Variants in NXN observed in about 807,000 individuals in gnomAD.
NXN encodes the protein nucleoredoxin.
Under a neutral mutation model 48.6 loss-of-function variants are expected in NXN, and 16 were observed. That is an observed-to-expected ratio of 0.33 (90% CI 0.22 to 0.50). The LOEUF is 0.50. Ranked by LOEUF, NXN falls within the 20% of genes least tolerant of loss-of-function variation. The pLI is 0.98. For synonymous variants in NXN, 281 were observed against 269.6 expected, an observed-to-expected ratio of 1.04 and a Z score of -0.41; for missense variants, 492 against 605.5, an observed-to-expected ratio of 0.81 and a Z score of 1.97.
chr17:912,903 A>G (rs1597236276), intron 1 of NXN, among the ~76,000 whole-genome samples: 2 of 152,054 alleles, frequency 1.3e-5, no homozygotes, highest in Non-Finnish European at 2.9e-5. Flanking sequence ...GCAGTGAGCC[A>G]AGATTGCACC....
chr17:868,097 G>A (rs1318611257), intron 1 of NXN, among the ~76,000 whole-genome samples: 1 of 152,168 alleles, frequency 6.6e-6, no homozygotes, highest in African/African-American at 2.4e-5. Flanking sequence ...TCATCTCCTA[G>A]CTGGACACTG....
chr17:821,265 A>C lies in NXN; in HGVS notation c.713+1092T>G, dbSNP rs1912810379. 5.1e-5 allele frequency among the ~76,000 whole-genome samples: 4 copies of C among 78,366 alleles called. 2 individuals are homozygous for C. The highest frequency in any genetic ancestry group is 9.5e-5 in the Non-Finnish European group (4 of 42,072). 51.4% of individuals were successfully genotyped at this position (78,366 alleles called of 152,430 possible). A position where few individuals can be genotyped will look rare whatever the true frequency, so the allele number is the denominator to read the frequency against. On this transcript the variant is annotated intron_variant, in intron 4 of 7. Transcript: ENST00000336868. ...AAGCGGCAGAGGCCACTGGTGACTC[A>C]GTCTAAACTGGGGCGGGAGTTTTGA...
Position 849,271 on chromosome 17 carries a change from G to A in NXN, c.361-23193C>T, listed in dbSNP as rs753354298. Among the ~76,000 whole-genome samples, 2 of 152,144 alleles carry A rather than the reference G, an allele frequency of 1.3e-5. No individual in the cohort carries two copies. Among genetic ancestry groups the A allele is most frequent in the African/African-American group, 2.4e-5 (1 of 41,420 alleles). Reference sequence around the variant, plus strand: ...TTCCCAGCTGGGCGCAGTGGCTCACGCCTGTAATCCCAGCACTTTGGGAGG... The same window carrying A: ...TTCCCAGCTGGGCGCAGTGGCTCACACCTGTAATCCCAGCACTTTGGGAGG... On this transcript the variant is annotated intron_variant, in intron 1 of 7. Transcript: ENST00000336868. This position sits in a 1 kb window ranked among gnomAD's most constrained non-coding sequence, Gnocchi z 4.2.
chr17:951,169 T>C (rs1175640621), intron 1 of NXN, among the ~76,000 whole-genome samples: 1 of 73,300 alleles, frequency 1.4e-5, no homozygotes, highest in Non-Finnish European at 2.4e-5. Flanking sequence ...AAACCCTGTC[T>C]CTACTTAAAA....
chr17:847,624 A>G (rs1260984442), intron 1 of NXN, among the ~76,000 whole-genome samples: 1 of 152,164 alleles, frequency 6.6e-6, no homozygotes, highest in Non-Finnish European at 1.5e-5. Context: ...CGACACTAAG[A>G]AACTGTGACC....
At chr17:973,702 C>T (rs1224910885) in intron 1 of NXN, among the ~76,000 whole-genome samples, 5 of 151,638 alleles carry the variant, frequency 3.3e-5, no homozygotes, top group African/African-American at 7.3e-5. Flanking sequence ...TTTTCCAAGA[C>T]GGAGTCTTGC....
At chr17:838,995 G>A (rs11650757) in intron 1 of NXN, among the ~76,000 whole-genome samples, 7,117 of 152,230 alleles carry the variant, frequency 0.047, 288 homozygotes, top group East Asian at 0.24. Context: ...GCTCTGCTAT[G>A]AACCACCAGG....
intron 1 of NXN, among the ~76,000 whole-genome samples, chr17:913,163 T>C (rs982187305): frequency 6.6e-6 from 1 of 152,284 alleles, no homozygotes; most frequent in Non-Finnish European, 1.5e-5. Context: ...TGAACATAAA[T>C]AGAGGCTAAC....
chr17:863,129 A>G (rs1259690627), intron 1 of NXN, among the ~76,000 whole-genome samples: 1 of 152,130 alleles, frequency 6.6e-6, no homozygotes, highest in Non-Finnish European at 1.5e-5. Flanking sequence ...AGGAAAAACC[A>G]GCCTCTGCAT....
rs927076813 is a variant in NXN, at chr17:919,867, C to T, written c.360+59452G>A. On this transcript the variant is annotated intron_variant, in intron 1 of 7. Coordinates refer to ENST00000336868, the MANE Select transcript of NXN (RefSeq NM_022463.5). The surrounding 1 kb of genome is among the most constrained non-coding windows in gnomAD (Gnocchi z 5.1). The stretch of plus-strand genomic sequence containing the variant: ...CTCATCTAGCTACATAGCTACACCT[C>T]CCTCTTGTCACCTTGCAGACTGGTA... 1.3e-5 allele frequency among the ~76,000 whole-genome samples: 2 copies of T among 152,170 alleles called. No homozygotes were observed. The highest frequency in any genetic ancestry group is 6.5e-5 in the Admixed American group (1 of 15,276).
chr17:970,365 G>A (rs538311466), intron 1 of NXN, among the ~76,000 whole-genome samples: 14 of 151,874 alleles, frequency 9.2e-5, no homozygotes, highest in Non-Finnish European at 1.6e-4. Flanking sequence ...CACTACAGCA[G>A]CCTGCAGGCT....
In NXN at chr17:979,762, G is replaced by C; in HGVS notation, c.-84C>G. The C allele has an allele frequency of 8.6e-7, 1 of 1,161,802 alleles. No homozygotes were observed. The highest frequency in any genetic ancestry group is 1.1e-6 in the Non-Finnish European group (1 of 919,048). The allele number at this position is 1,161,802 out of a possible 1,614,324, so 72.0% of individuals were successfully genotyped here. A position where few individuals can be genotyped will look rare whatever the true frequency, so the allele number is the denominator to read the frequency against. On this transcript the variant is annotated 5_prime_UTR_variant, in exon 1 of 8. Coordinates refer to ENST00000336868, the MANE Select transcript of NXN (RefSeq NM_022463.5). ...GGAGGAGGCGGCGGCGTCGGCGGCAGGCGCTGGGGAGAGCAGAGCCCGGCC... is the reference window on the plus strand; with the variant it reads ...GGAGGAGGCGGCGGCGTCGGCGGCACGCGCTGGGGAGAGCAGAGCCCGGCC...
At chr17:841,572 G>GGCGCATCTCACACGGGC (rs1567827921) in intron 1 of NXN, among the ~76,000 whole-genome samples, 1 of 91,414 alleles carries the variant, frequency 1.1e-5, no homozygotes. Flanking sequence ...CCCTGACCAC[G>GGCGCATCTCACACGGGC]GAGCATCTCA....
chr17:806,486 G>A (rs941412511), intron 5 of NXN, among the ~76,000 whole-genome samples: 6 of 151,814 alleles, frequency 4.0e-5, no homozygotes, highest in African/African-American at 1.5e-4. Flanking sequence ...CCCACTCCCC[G>A]CAGCCTCTCC....
intron 1 of NXN, among the ~76,000 whole-genome samples, chr17:950,739 C>T (rs991987571): frequency 3.3e-5 from 5 of 152,108 alleles, no homozygotes; most frequent in African/African-American, 1.2e-4. Flanking sequence ...ACCGAGTGGA[C>T]GGACGTGAGC....
At chr17:816,186 C>T (rs1912461715) in intron 5 of NXN, among the ~76,000 whole-genome samples, 1 of 152,216 alleles carries the variant, frequency 6.6e-6, no homozygotes, top group Non-Finnish European at 1.5e-5. Context: ...CCCCTTCCCA[C>T]TGTCCAGTTA....
chr17:979,193 CG>C, intron 1 of NXN, 125 bp downstream of exon 1: 6 of 300,448 alleles, frequency 2.0e-5, no homozygotes, highest in Non-Finnish European at 2.6e-5. Flanking sequence ...GGGCAGGGGT[CG>C]GGGGGTGGAG....
intron 1 of NXN, among the ~76,000 whole-genome samples, chr17:913,212 G>A (rs142308651): frequency 1.3e-5 from 2 of 152,196 alleles, no homozygotes; most frequent in African/African-American, 2.4e-5. Context: ...GAAAATTCAT[G>A]AGTCACCAAA....
At chr17:842,454 C>T (rs933338467) in intron 1 of NXN, 12 of 935,400 alleles carry the variant, frequency 1.3e-5, no homozygotes, top group South Asian at 4.9e-5. Flanking sequence ...GTGATCCCGG[C>T]GGGGAAGGCC....
Sources: allele counts gnomAD v4.1 joint callset (sites outside exome capture counted in the v4.1 genomes callset), GRCh38; gene constraint gnomAD v4.1.1; non-coding constraint Gnocchi (gnomAD v3.1); transcripts MANE v1.5; gene names NCBI Gene and HGNC (gene_info 2026-07-23, HGNC 2026-07-21).